The following SBNO1 variants were observed in gnomAD, a reference collection of about 807,000 sequenced individuals.
The protein encoded by SBNO1 is strawberry notch homolog 1.
Under a neutral mutation model 173.6 loss-of-function variants are expected in SBNO1, and 23 were observed. That is an observed-to-expected ratio of 0.13 (90% CI 0.10 to 0.19). The LOEUF (loss-of-function observed/expected upper bound fraction) is 0.19. Among genes scored for constraint, SBNO1 ranks in the 10% least tolerant of loss-of-function variants. The probability of loss-of-function intolerance (pLI) is 1.00; values close to 1 mark genes in which losing one functional copy is unlikely to be tolerated. For missense variants in SBNO1, 1,238 were observed against 1,671.2 expected (o/e 0.74, Z 4.52); for synonymous variants, 632 against 571.5 (o/e 1.11, Z -1.51).
chr12:123,364,634 G>GA (rs60536287), intron 1 of SBNO1, 67 bp downstream of exon 1: 11 of 983,076 alleles, frequency 1.1e-5, no homozygotes, highest in South Asian at 9.4e-5. Context: ...GCCCCCCGAG[G>GA]GTGGGAGTGG....
At chr12:123,355,248 T>C (rs1486579011) in intron 1 of SBNO1, among the ~76,000 whole-genome samples, 2 of 152,116 alleles carry the variant, frequency 1.3e-5, no homozygotes, top group Non-Finnish European at 2.9e-5. Flanking sequence ...CTCGATCTAC[T>C]GACCTCGTGA....
At chr12:123,359,389 G>T (rs1471540355) in intron 1 of SBNO1, among the ~76,000 whole-genome samples, 2 of 151,442 alleles carry the variant, frequency 1.3e-5, no homozygotes, top group Non-Finnish European at 2.9e-5. Flanking sequence ...ATACATATAT[G>T]TCTCTACTAA....
intron 24 of SBNO1, among the ~76,000 whole-genome samples, chr12:123,311,716 CTATCTATATA>C (rs1211543908): frequency 3.4e-3 from 209 of 60,942 alleles, no homozygotes; most frequent in South Asian, 4.8e-3. Context: ...ATCTATCTAT[CTATCTATATA>C]TATATATATA....
intron 29 of SBNO1, among the ~76,000 whole-genome samples, chr12:123,304,075 C>T (rs1399870124): frequency 6.6e-6 from 1 of 151,752 alleles, no homozygotes; most frequent in African/African-American, 2.4e-5. Flanking sequence ...GGATTACAGG[C>T]ATGCAACACT....
chr12:123,302,087 G>A (rs747941279), intron 30 of SBNO1, among the ~76,000 whole-genome samples: 19 of 151,606 alleles, frequency 1.3e-4, no homozygotes, highest in South Asian at 4.2e-4. Flanking sequence ...ACAGGCATGC[G>A]CCACCACACC....
intron 1 of SBNO1, chr12:123,363,977 C>G (rs1338551793): frequency 1.0e-6 from 1 of 985,562 alleles, no homozygotes; most frequent in Non-Finnish European, 1.2e-6. Context: ...TTGGGGAACT[C>G]TGGATGCTCG....
intron 4 of SBNO1, 71 bp downstream of exon 4, chr12:123,345,187 A>T: frequency 7.6e-7 from 1 of 1,315,888 alleles, no homozygotes; most frequent in Non-Finnish European, 1.1e-6. Context: ...AACCCAAGCA[A>T]ATCGTTTAAA....
chr12:123,349,732 T>C (rs992667601), intron 2 of SBNO1, among the ~76,000 whole-genome samples: 37 of 152,018 alleles, frequency 2.4e-4, no homozygotes, highest in African/African-American at 8.2e-4. Context: ...CTGAACAACA[T>C]GGTGAAACCC....
intron 3 of SBNO1, 85 bp from the exon 4 acceptor site, chr12:123,345,655 A>C (rs1047325911): frequency 3.4e-5 from 39 of 1,143,622 alleles, no homozygotes; most frequent in Non-Finnish European, 4.3e-5. Flanking sequence ...AGGACAACTA[A>C]AAATCTAAAA....
intron 1 of SBNO1, among the ~76,000 whole-genome samples, chr12:123,362,470 G>T (rs1875428762): frequency 2.4e-5 from 3 of 125,616 alleles, no homozygotes; most frequent in South Asian, 2.6e-4. Context: ...AAAAAAAAAG[G>T]ATTCTGACGG....
rs2048526776 is a variant in SBNO1 at position 123,292,536 on chromosome 12, A to AT, written c.*3371dup. ...CTAACAATTGTTCTAACAGCATCCC[A>AT]TGGAGGCCAGCAAATGAATGCCCCA... On this transcript the variant is annotated 3_prime_UTR_variant, in exon 32 of 32. Transcript: ENST00000602398. The AT allele has an allele frequency of 1.3e-5, 2 of 152,296 alleles. No homozygotes were observed. The highest frequency in any genetic ancestry group is 6.5e-5 in the Admixed American group (1 of 15,290). The allele number at this position is 152,296 out of a possible 1,614,324, so 9.4% of individuals were successfully genotyped here.
intron 1 of SBNO1, among the ~76,000 whole-genome samples, chr12:123,353,443 T>A (rs1359913546): frequency 6.6e-6 from 1 of 152,194 alleles, no homozygotes; most frequent in African/African-American, 2.4e-5. Flanking sequence ...GTTTCATTAT[T>A]TTATTTCAAA....
chr12:123,364,522 GCCC>G, intron 1 of SBNO1, 176 bp downstream of exon 1: 8 of 983,680 alleles, frequency 8.1e-6, no homozygotes, highest in Non-Finnish European at 8.4e-6. Context: ...TCGGGAACAT[GCCC>G]CCGAGGGCCC....
At chr12:123,301,787 C>T (rs1337158026) in intron 30 of SBNO1, among the ~76,000 whole-genome samples, 1 of 152,060 alleles carries the variant, frequency 6.6e-6, no homozygotes, top group Non-Finnish European at 1.5e-5. Context: ...CCCAGCTACT[C>T]AGGAGGCTGA....
intron 1 of SBNO1, chr12:123,364,351 G>A (rs1302806418): frequency 3.0e-6 from 3 of 985,584 alleles, no homozygotes; most frequent in Non-Finnish European, 3.6e-6. Context: ...AGCCAAAGGG[G>A]CGAACCCAGC....
chr12:123,360,246 CA>C (rs56346382), intron 1 of SBNO1, among the ~76,000 whole-genome samples: 124,298 of 140,800 alleles, frequency 0.88, 54,673 homozygotes, highest in Middle Eastern at 0.94. Context: ...AACACCATCT[CA>C]AAAAAAAAAA....
At chr12:123,360,506 G>T (rs1215976498) in intron 1 of SBNO1, among the ~76,000 whole-genome samples, 1 of 151,848 alleles carries the variant, frequency 6.6e-6, no homozygotes. Flanking sequence ...GTGCAGTGGC[G>T]CAATCTCGGC....
intron 23 of SBNO1, 146 bp downstream of exon 23, chr12:123,315,227 A>C: frequency 6.4e-6 from 4 of 626,698 alleles, no homozygotes. Flanking sequence ...TACATGTGAA[A>C]TTCTGTCTTA....
chr12:123,315,824 A>G (rs539734315), intron 21 of SBNO1, among the ~76,000 whole-genome samples, 164 bp from the exon 22 acceptor site: 2 of 152,326 alleles, frequency 1.3e-5, no homozygotes, highest in Admixed American at 6.5e-5. Flanking sequence ...AAACTGCTCA[A>G]TGACAGAAGT....
Sources: gnomAD v4.1 joint callset for allele counts (sites outside exome capture counted in the v4.1 genomes callset) on GRCh38, gnomAD v4.1.1 for gene constraint, MANE v1.5 for transcripts, NCBI Gene and HGNC (gene_info 2026-07-23, HGNC 2026-07-21) for gene names.